Variants in C7orf57 observed in about 807,000 individuals in gnomAD.
C7orf57 encodes chromosome 7 open reading frame 57, also known as uncharacterized protein C7orf57.
A neutral mutation model predicts 39.0 loss-of-function variants in C7orf57; 33 were observed. That is an observed-to-expected ratio of 0.85 (90% CI 0.64 to 1.13). C7orf57 has a LOEUF of 1.13. Among genes scored for constraint, C7orf57 ranks in the 50% most tolerant of loss-of-function variants. The pLI is 0.00. For missense variants in C7orf57, 346 were observed against 362.3 expected (o/e 0.95, Z 0.37); for synonymous variants, 124 against 137.1 (o/e 0.90, Z 0.67).
chr7:48,051,766 C>CTTTCT (rs372788473), intron 6 of C7orf57, among the ~76,000 whole-genome samples: 21,984 of 63,728 alleles, frequency 0.34, 4,753 homozygotes, highest in Non-Finnish European at 0.44. Flanking sequence ...TTCTTTCTTT[C>CTTTCT]TTTCTTTCTT....
In C7orf57 at chr7:48,058,062, T is replaced by C. The variant is rs538189803; in HGVS notation, c.842-2164T>C. 1.4e-3 allele frequency among the ~76,000 whole-genome samples: 217 copies of C among 152,308 alleles called. 1 individual carries two copies. The highest frequency in any genetic ancestry group is 4.8e-3 in the African/African-American group (201 of 41,578). Reference sequence around the variant, plus strand: ...ATAAATTCCACATGATCATGGTTTATGATCTTTTTAATGTGCTGTTGAATT... The same window carrying C: ...ATAAATTCCACATGATCATGGTTTACGATCTTTTTAATGTGCTGTTGAATT... On this transcript the variant is annotated intron_variant, in intron 8 of 8. Transcript: ENST00000348904.
intron 3 of C7orf57, 51 bp downstream of exon 3, chr7:48,041,570 G>A: frequency 7.1e-7 from 1 of 1,415,640 alleles, no homozygotes; most frequent in South Asian, 1.5e-5. Context: ...GGCGGTGAGG[G>A]GGGCGTTTGT....
intron 2 of C7orf57, 127 bp downstream of exon 2, chr7:48,036,490 T>A (rs955622684): frequency 4.8e-6 from 4 of 838,006 alleles, no homozygotes; most frequent in Non-Finnish European, 7.1e-6. Flanking sequence ...GAGGACCAAG[T>A]GATAAAACTA....
rs200433005 is a variant in C7orf57, at chr7:48,041,361, G to T, written c.83G>T (p.Arg28Leu). Reference protein sequence around the residue: ...CDWYYHVPVKRSEKAVDAPPA... With the variant: ...CDWYYHVPVKLSEKAVDAPPA... The stretch of plus-strand genomic sequence containing the variant: ...TGGTATTACCACGTCCCAGTGAAGC[G>T]CTCTGAGAAGGCCGTGGATGCCCCA... The change falls in exon 3 of 9, where the codon CGC (arginine) becomes CTC (leucine). Residue 28 changes from arginine (R) to leucine (L), a missense_variant. Coordinates refer to ENST00000348904, the MANE Select transcript of C7orf57 (RefSeq NM_001100159.3). The T allele has an allele frequency of 1.9e-6, 3 of 1,613,772 alleles. No individual in the cohort carries two copies. Among genetic ancestry groups the T allele is most frequent in the Non-Finnish European group, 2.5e-6 (3 of 1,179,774 alleles).
chr7:48,060,728 G>A lies in C7orf57; in HGVS notation c.*456G>A, dbSNP rs1791267736. 6.6e-6 allele frequency: 1 copy of A among 152,336 alleles called. No individual in the cohort carries two copies. The highest frequency in any genetic ancestry group is 2.4e-5 in the African/African-American group (1 of 41,438). The allele number at this position is 152,336 out of a possible 1,614,324, so 9.4% of individuals were successfully genotyped here. On this transcript the variant is annotated 3_prime_UTR_variant, in exon 9 of 9. Transcript: ENST00000348904. ...TTTAACTCCAGAATATGGTGATACAGTTTATGTTAAGAAACATATTTTAAT... is the reference window on the plus strand; with the variant it reads ...TTTAACTCCAGAATATGGTGATACAATTTATGTTAAGAAACATATTTTAAT...
rs1218901537 is a variant in C7orf57 at position 48,041,480 on chromosome 7, T to A, written c.202T>A (p.Ser68Thr). 6 of 1,613,008 alleles carry A rather than the reference T, an allele frequency of 3.7e-6. No homozygotes were observed. The highest frequency in any genetic ancestry group is 5.1e-6 in the Non-Finnish European group (6 of 1,179,322). The change falls in exon 3 of 9, where the codon TCG becomes ACG. Residue 68 changes from serine (S) to threonine (T), a missense_variant. Transcript: ENST00000348904. ...GAGATACTGGATAAAAGAAACAGAT[T>A]CGGAATATGTGAAGCTCGCGAAACA... ...TRRYWIKETD[S>T]EYVKLAKQGG... is the part of the protein sequence containing the mutation.
chr7:48,046,252 G>C (rs1177667919), intron 4 of C7orf57, among the ~76,000 whole-genome samples: 2 of 151,442 alleles, frequency 1.3e-5, no homozygotes, highest in Non-Finnish European at 2.9e-5. Context: ...GAGAGGGAAA[G>C]AAGAGGAAGA....
intron 1 of C7orf57, 40 bp from the exon 2 acceptor site, chr7:48,036,168 A>G: frequency 1.2e-6 from 1 of 825,248 alleles, no homozygotes; most frequent in Non-Finnish European, 2.0e-6. Context: ...CGAGGCGTAC[A>G]GACCGACCCA....
intron 4 of C7orf57, among the ~76,000 whole-genome samples, chr7:48,045,327 C>T (rs1790681900): frequency 6.6e-6 from 1 of 152,130 alleles, no homozygotes; most frequent in Non-Finnish European, 1.5e-5. Context: ...TTTCTGTGGG[C>T]TTTTTCCTGC....
chr7:48,036,899 G>T (rs977540944), intron 2 of C7orf57, among the ~76,000 whole-genome samples: 9 of 151,776 alleles, frequency 5.9e-5, no homozygotes, highest in Non-Finnish European at 1.3e-4. Context: ...GAGAGGGGAA[G>T]GAAGAAGAAG....
chr7:48,054,717 CCTT>C, intron 8 of C7orf57, 111 bp downstream of exon 8: 1 of 892,252 alleles, frequency 1.1e-6, no homozygotes, highest in Admixed American at 2.4e-5. Flanking sequence ...CCTGGAATGT[CCTT>C]CTCCAAACTG....
Position 48,036,385 on chromosome 7 carries a change from C to T in C7orf57, c.55+22C>T, listed in dbSNP as rs760421400. 74 of 1,555,828 alleles carry T rather than the reference C, an allele frequency of 4.8e-5. No homozygotes were observed. The Admixed American group carries it at 1.0e-3, about 22-fold the overall frequency. Reference sequence around the variant, plus strand: ...TGCGGTGAGTGCGCCCTGAGCGCGTCCCGGCCAGAAAGAGCTGGGTGCGTG... The same window carrying T: ...TGCGGTGAGTGCGCCCTGAGCGCGTTCCGGCCAGAAAGAGCTGGGTGCGTG... On this transcript the variant is annotated intron_variant, in intron 2 of 8. Transcript: ENST00000348904.
intron 4 of C7orf57, among the ~76,000 whole-genome samples, chr7:48,045,429 T>C (rs1241060729): frequency 6.6e-6 from 1 of 152,070 alleles, no homozygotes; most frequent in African/African-American, 2.4e-5. Flanking sequence ...ATGGCTTCTC[T>C]TACTGGGTAT....
At chr7:48,051,871 CT>C (rs1171085626) in intron 6 of C7orf57, among the ~76,000 whole-genome samples, 372 of 31,766 alleles carry the variant, frequency 0.012, 21 homozygotes, top group African/African-American at 0.018. Context: ...TTCTTTCTTT[CT>C]CTTTCTCTTT....
intron 8 of C7orf57, among the ~76,000 whole-genome samples, chr7:48,059,329 T>C (rs1562634879): frequency 6.6e-6 from 1 of 152,222 alleles, no homozygotes; most frequent in Non-Finnish European, 1.5e-5. Flanking sequence ...TATAACTTTC[T>C]GGAGACTAAT....
At chr7:48,038,188 TTGTC>T (rs1339882484) in intron 2 of C7orf57, among the ~76,000 whole-genome samples, 2 of 152,188 alleles carry the variant, frequency 1.3e-5, no homozygotes, top group Non-Finnish European at 2.9e-5. Flanking sequence ...ACTTAAAAGA[TTGTC>T]TGTATTAAAT....
chr7:48,037,532 A>G (rs535682369), intron 2 of C7orf57, among the ~76,000 whole-genome samples: 3 of 152,328 alleles, frequency 2.0e-5, no homozygotes, highest in Admixed American at 6.5e-5. Flanking sequence ...CTTAGAGACC[A>G]GAAGAGCTGG....
At chr7:48,048,287 C>T (rs945025219) in intron 5 of C7orf57, among the ~76,000 whole-genome samples, 1 of 152,216 alleles carries the variant, frequency 6.6e-6, no homozygotes, top group African/African-American at 2.4e-5. Flanking sequence ...GTATGAAGGT[C>T]ACCTATGAGT....
rs1411676721 is a variant in C7orf57, at chr7:48,059,467, C to T, written c.842-759C>T. On this transcript the variant is annotated intron_variant, in intron 8 of 8. Transcript: ENST00000348904. ...CTGGGCTCAAGTGATCCTTCTGCCT[C>T]AGCCTCCTGAGCAGCTGGGACTACG... 2.6e-5 allele frequency among the ~76,000 whole-genome samples: 4 copies of T among 152,196 alleles called. 1 individual carries two copies. The South Asian group carries it at 8.3e-4, about 31-fold the overall frequency.
Sources: gnomAD v4.1 joint callset for allele counts (sites outside exome capture counted in the v4.1 genomes callset) on GRCh38, gnomAD v4.1.1 for gene constraint, MANE v1.5 for transcripts, NCBI Gene and HGNC (gene_info 2026-07-23, HGNC 2026-07-21) for gene names.